CAB39: variants seen among roughly 807,000 people sequenced by gnomAD.
The protein encoded by CAB39 is calcium-binding protein 39.
CAB39 carries 8 observed loss-of-function variants against 40.0 expected under a neutral mutation model. The ratio of observed to expected loss-of-function variants is 0.20; its 90% CI spans 0.12 to 0.36. The LOEUF (loss-of-function observed/expected upper bound fraction) is 0.36, where lower values mean the gene tolerates loss of function less well. Among genes scored for constraint, CAB39 ranks in the 10% least tolerant of loss-of-function variants. The pLI, the probability that CAB39 is intolerant of heterozygous loss-of-function variation, is 1.00. For missense variants in CAB39, 270 were observed against 401.1 expected, an observed-to-expected ratio of 0.67 and a Z score of 2.79; for synonymous variants, 156 against 141.6, an observed-to-expected ratio of 1.10 and a Z score of -0.72.
intron 1 of CAB39, among the ~76,000 whole-genome samples, chr2:230,720,704 G>A (rs1457883551): frequency 6.6e-6 from 1 of 152,184 alleles, no homozygotes; most frequent in Non-Finnish European, 1.5e-5. Context: ...ACAGGCGTGA[G>A]CCACCGCGCC....
At chr2:230,721,921 A>G (rs145865572) in intron 1 of CAB39, among the ~76,000 whole-genome samples, 150 of 152,334 alleles carry the variant, frequency 9.8e-4, no homozygotes, top group African/African-American at 3.4e-3. Flanking sequence ...ACTGGAACAC[A>G]GGTTAGGAAA....
chr2:230,783,521 C>T (rs1695733703), intron 2 of CAB39, among the ~76,000 whole-genome samples: 2 of 151,674 alleles, frequency 1.3e-5, no homozygotes, highest in Admixed American at 1.3e-4. Context: ...GCCATCCAGG[C>T]AGTGGATGAA....
At chr2:230,784,885 C>T (rs1001683652) in intron 2 of CAB39, among the ~76,000 whole-genome samples, 2 of 152,216 alleles carry the variant, frequency 1.3e-5, no homozygotes, top group Non-Finnish European at 2.9e-5. Context: ...TACCCTACTG[C>T]TGTGTCCAGT....
Position 230,720,014 on chromosome 2 carries a change from C to T in CAB39, c.-44+6784C>T, listed in dbSNP as rs973672323. Among the ~76,000 whole-genome samples, 6 of 152,160 alleles carry T rather than the reference C, an allele frequency of 3.9e-5. 1 individual carries two copies. The highest frequency in any genetic ancestry group is 2.6e-4 in the Admixed American group (4 of 15,276). ...ATCAAAATGTGTATTTTCAAATGTT[C>T]TACCTTTGTGCTTATGAATAAATAG... On this transcript the variant is annotated intron_variant, in intron 1 of 8. Coordinates refer to ENST00000258418, the MANE Select transcript of CAB39 (RefSeq NM_016289.4).
chr2:230,811,084 T>C (rs889082113), intron 6 of CAB39, among the ~76,000 whole-genome samples: 3 of 152,196 alleles, frequency 2.0e-5, no homozygotes, highest in African/African-American at 7.2e-5. Flanking sequence ...CTACACATCG[T>C]CGAAGATTCT....
intron 2 of CAB39, among the ~76,000 whole-genome samples, chr2:230,782,813 C>CTTTCTTTCTTTCTTTTTT (rs1286339069): frequency 2.4e-5 from 2 of 81,766 alleles, no homozygotes; most frequent in African/African-American, 1.3e-4. Context: ...TTCTTTCTTT[C>CTTTCTTTCTTTCTTTTTT]TTTTTTTTTT....
chr2:230,729,208 C>T (rs181995775), intron 1 of CAB39, among the ~76,000 whole-genome samples: 46 of 152,336 alleles, frequency 3.0e-4, no homozygotes, highest in Non-Finnish European at 5.7e-4. Flanking sequence ...TATTTAACCT[C>T]TGGCTATATC....
At chr2:230,773,314 A>ATATATGTGTGTGTGTGTGTGTGTG (rs371297550) in intron 2 of CAB39, among the ~76,000 whole-genome samples, 3 of 132,632 alleles carry the variant, frequency 2.3e-5, no homozygotes, top group African/African-American at 9.3e-5. Context: ...ATATATATAT[A>ATATATGTGTGTGTGTGTGTGTGTG]TGTGTGTGTG....
At chr2:230,783,816 T>A (rs948426255) in intron 2 of CAB39, among the ~76,000 whole-genome samples, 1 of 152,186 alleles carries the variant, frequency 6.6e-6, no homozygotes, top group Non-Finnish European at 1.5e-5. Context: ...TTAAACACTT[T>A]TAAGGAATCC....
At chr2:230,739,801 T>C (rs1049795679) in intron 1 of CAB39, among the ~76,000 whole-genome samples, 4 of 152,224 alleles carry the variant, frequency 2.6e-5, no homozygotes, top group African/African-American at 9.6e-5. Flanking sequence ...GCCTCTAATT[T>C]GAAGTCTTAA....
At chr2:230,724,240 G>T in intron 1 of CAB39, among the ~76,000 whole-genome samples, 1 of 131,930 alleles carries the variant, frequency 7.6e-6, no homozygotes, top group African/African-American at 3.6e-5. Context: ...GACCAAGACT[G>T]TCTCAAAAAA....
intron 3 of CAB39, among the ~76,000 whole-genome samples, chr2:230,792,323 C>T (rs3792076): frequency 0.36 from 54,601 of 152,140 alleles, 13,604 homozygotes; most frequent in African/African-American, 0.71. Flanking sequence ...TGTGGAACTT[C>T]AAAGACATCA....
intron 6 of CAB39, 71 bp from the exon 7 acceptor site, chr2:230,813,978 C>CTGTT (rs1696350965): frequency 9.1e-6 from 1 of 110,458 alleles, no homozygotes; most frequent in Non-Finnish European, 1.6e-5. Context: ...ACCTACCAGT[C>CTGTT]TTTTTTTTTT....
At chr2:230,731,351 T>G (rs934844575) in intron 1 of CAB39, among the ~76,000 whole-genome samples, 1 of 152,216 alleles carries the variant, frequency 6.6e-6, no homozygotes, top group African/African-American at 2.4e-5. Flanking sequence ...ATAGCCAGGT[T>G]GTTAATATAC....
At chr2:230,796,413 C>A in intron 4 of CAB39, among the ~76,000 whole-genome samples, 1 of 152,070 alleles carries the variant, frequency 6.6e-6, no homozygotes, top group East Asian at 1.9e-4. Flanking sequence ...GGTTATACAG[C>A]ATAACTGTTT....
chr2:230,787,352 C>T (rs1166491409), intron 2 of CAB39, among the ~76,000 whole-genome samples: 1 of 152,046 alleles, frequency 6.6e-6, no homozygotes, highest in Non-Finnish European at 1.5e-5. Flanking sequence ...ATGATTGAGG[C>T]AGGTCATGGG....
intron 1 of CAB39, among the ~76,000 whole-genome samples, chr2:230,735,529 G>A (rs1008856329): frequency 8.3e-5 from 12 of 143,986 alleles, no homozygotes; most frequent in Non-Finnish European, 1.2e-4. Context: ...TGGGGGGATG[G>A]GGGGGACAGA....
In CAB39 at chr2:230,789,225, G is replaced by GT. The variant is rs199814062; in HGVS notation, c.115-1640dup. ...TTATTTCTAAGTGTTTCATTCAGGT[G>GT]TTTTTTTATGCCTTTCATTCCTCTA... On this transcript the variant is annotated intron_variant, in intron 2 of 8. Transcript: ENST00000258418. Among the ~76,000 whole-genome samples, 1,074 of 152,194 alleles carry GT rather than the reference G, an allele frequency of 7.1e-3. 11 individuals carry two copies. The highest frequency in any genetic ancestry group is 0.023 in the African/African-American group (950 of 41,516).
At chr2:230,809,956 A>G (rs961350319) in intron 5 of CAB39, among the ~76,000 whole-genome samples, 3 of 152,014 alleles carry the variant, frequency 2.0e-5, no homozygotes, top group African/African-American at 4.8e-5. Flanking sequence ...CCACTTGGGG[A>G]GTGTTAACTT....
Sources: gnomAD v4.1 joint callset for allele counts (sites outside exome capture counted in the v4.1 genomes callset) on GRCh38, gnomAD v4.1.1 for gene constraint, MANE v1.5 for transcripts, NCBI Gene and HGNC (gene_info 2026-07-23, HGNC 2026-07-21) for gene names.